Variants in NF1 observed in about 807,000 individuals in gnomAD.
NF1 encodes neurofibromin 1.
In NF1, 122 loss-of-function variants were observed where a neutral mutation model predicts 325.7. The ratio of observed to expected loss-of-function variants is 0.37; its 90% CI spans 0.32 to 0.44. The LOEUF is 0.44. Ranked by LOEUF, NF1 falls within the 20% of genes least tolerant of loss-of-function variation. NF1 has a pLI of 1.00. For missense variants in NF1, 2,140 were observed against 3,415.4 expected (o/e 0.63, Z 9.31); for synonymous variants, 1,091 against 1,186.0 (o/e 0.92, Z 1.65).
chr17:31,259,846 C>T (rs2067652925), intron 33 of NF1, among the ~76,000 whole-genome samples: 1 of 152,200 alleles, frequency 6.6e-6, no homozygotes, highest in Admixed American at 6.5e-5. Context: ...ACAACTCTCT[C>T]TTCCAGTTTA....
At chr17:31,267,898 A>C (rs1250432038) in intron 36 of NF1, among the ~76,000 whole-genome samples, 1 of 152,094 alleles carries the variant, frequency 6.6e-6, no homozygotes, top group African/African-American at 2.4e-5. Flanking sequence ...TTAGTCACCA[A>C]ATCTTGGTTT....
intron 36 of NF1, among the ~76,000 whole-genome samples, chr17:31,282,581 G>A (rs2068142069): frequency 1.3e-5 from 2 of 151,994 alleles, no homozygotes; most frequent in South Asian, 4.2e-4. Context: ...GCACAGTTTA[G>A]ATGTTTCATA....
At chr17:31,351,418 C>T (rs1459799941) in intron 50 of NF1, among the ~76,000 whole-genome samples, 2 of 151,832 alleles carry the variant, frequency 1.3e-5, no homozygotes, top group Non-Finnish European at 2.9e-5. Context: ...TTTTATTTTT[C>T]TTTATTAATT....
intron 12 of NF1, among the ~76,000 whole-genome samples, chr17:31,210,446 G>C: frequency 6.6e-6 from 1 of 152,070 alleles, no homozygotes; most frequent in Non-Finnish European, 1.5e-5. Flanking sequence ...TTAGGCAGGC[G>C]TGGTGGCAGG....
intron 1 of NF1, among the ~76,000 whole-genome samples, chr17:31,105,147 A>G (rs1236892711): frequency 1.3e-5 from 2 of 151,914 alleles, no homozygotes; most frequent in Admixed American, 6.6e-5. Flanking sequence ...CAGTCTTCCC[A>G]CCTGGCTTCC....
intron 36 of NF1, among the ~76,000 whole-genome samples, chr17:31,300,553 T>C (rs1479722845): frequency 1.3e-5 from 2 of 152,114 alleles, no homozygotes; most frequent in African/African-American, 2.4e-5. Context: ...CAGTCCCCTA[T>C]TGGTGGACAT....
chr17:31,347,278 ATAT>A (rs1435377680), intron 48 of NF1, among the ~76,000 whole-genome samples: 1 of 151,042 alleles, frequency 6.6e-6, no homozygotes, highest in East Asian at 2.0e-4. Flanking sequence ...TGACCCAAAC[ATAT>A]TATAAATATG....
intron 1 of NF1, among the ~76,000 whole-genome samples, chr17:31,127,137 C>T (rs1199591779): frequency 1.3e-5 from 2 of 150,224 alleles, no homozygotes; most frequent in Non-Finnish European, 1.5e-5. Flanking sequence ...ACTCTCAGTT[C>T]GGCTCTCTCC....
chr17:31,217,983 C>T lies in NF1; in HGVS notation c.1528-1022C>T, dbSNP rs550545343. On this transcript the variant is annotated intron_variant, in intron 13 of 57. Coordinates refer to ENST00000358273, the MANE Select transcript of NF1 (RefSeq NM_001042492.3). ...GGTAGGCATTCACATTTTTACATAA[C>T]GTTAATTTTCTTTGCTTAGTACACT... Among the ~76,000 whole-genome samples, 6 of 150,350 alleles carry T rather than the reference C, an allele frequency of 4.0e-5. No individual in the cohort carries two copies. In the South Asian group the frequency reaches 6.4e-4, roughly 16 times the overall value.
chr17:31,214,202 T>A (rs570929401), intron 12 of NF1, among the ~76,000 whole-genome samples: 1 of 152,218 alleles, frequency 6.6e-6, no homozygotes, highest in African/African-American at 2.4e-5. Flanking sequence ...AGTATTGTAA[T>A]AGATTTTCAT....
At chr17:31,284,316 T>A (rs2068181689) in intron 36 of NF1, among the ~76,000 whole-genome samples, 1 of 151,954 alleles carries the variant, frequency 6.6e-6, no homozygotes, top group Non-Finnish European at 1.5e-5. Flanking sequence ...AAAGTCTCAC[T>A]ATGTCACCCA....
chr17:31,330,706 G>A lies in NF1; in HGVS notation c.5812+208G>A, dbSNP rs945684221. ...ACATTGAGAAATCCACCAAAATTCT[G>A]ATAATAAAAGCAAAGCGGCAAGAGT... On this transcript the variant is annotated intron_variant, in intron 39 of 57. Transcript: ENST00000358273. 9.1e-5 allele frequency: 52 copies of A among 572,380 alleles called. 1 individual carries two copies. Among genetic ancestry groups the A allele is most frequent in the Non-Finnish European group, 1.4e-4 (46 of 324,900 alleles). 35.5% of individuals were successfully genotyped at this position (572,380 alleles called of 1,614,324 possible).
chr17:31,187,752 G>A lies in NF1; in HGVS notation c.888+5087G>A, dbSNP rs369823099. On this transcript the variant is annotated intron_variant, in intron 8 of 57. Transcript: ENST00000358273. Reference sequence around the variant, plus strand: ...GATCCACTAGAAAATTTTTCTTCCCGTTCTTGAGACATTATGTTCTGCTGG... The same window carrying A: ...GATCCACTAGAAAATTTTTCTTCCCATTCTTGAGACATTATGTTCTGCTGG... 2.8e-4 allele frequency among the ~76,000 whole-genome samples: 43 copies of A among 152,188 alleles called. No individual in the cohort carries two copies. The East Asian group carries it at 2.9e-3, about 10-fold the overall frequency.
At position 31,104,239 on chromosome 17, in the gene NF1, T is replaced by C. The variant is rs17880155; in HGVS notation, c.60+8870T>C. 3.6e-3 allele frequency among the ~76,000 whole-genome samples: 541 copies of C among 152,300 alleles called. 6 individuals are homozygous for C. Among genetic ancestry groups the C allele is most frequent in the African/African-American group, 0.012 (514 of 41,556 alleles). On this transcript the variant is annotated intron_variant, in intron 1 of 57. Coordinates refer to ENST00000358273, the MANE Select transcript of NF1 (RefSeq NM_001042492.3). The stretch of plus-strand genomic sequence containing the variant: ...TCAAATTTGGTATTCTGGGGTTCTA[T>C]GTAGACTCTATATTGTTGCATTCTA...
chr17:31,150,876 A>C (rs1916889294), intron 1 of NF1, among the ~76,000 whole-genome samples: 1 of 152,048 alleles, frequency 6.6e-6, no homozygotes, highest in Admixed American at 6.5e-5. Flanking sequence ...TACTAAAAAT[A>C]CAAAAAAATT....
At chr17:31,225,070 A>C (rs775964988) in intron 16 of NF1, 25 bp from the exon 17 acceptor site, 10 of 1,611,984 alleles carry the variant, frequency 6.2e-6, no homozygotes, top group Non-Finnish European at 8.5e-6. Context: ...GCTTCAGTAA[A>C]GCTTATTTAT....
In NF1 at chr17:31,156,055, A is replaced by C; in HGVS notation, c.133A>C (p.Asn45His). The C allele has an allele frequency of 2.5e-6, 4 of 1,613,712 alleles. No individual in the cohort carries two copies. The highest frequency in any genetic ancestry group is 3.4e-6 in the Non-Finnish European group (4 of 1,179,800). The change falls in exon 2 of 58, where the codon AAT becomes CAT. Residue 45 changes from asparagine (N) to histidine (H), a missense_variant. Around this residue, in one of 10 missense-constraint regions of NF1, gnomAD observed 246 missense variants for 347.8 expected, o/e 0.71. Coordinates refer to ENST00000358273, the MANE Select transcript of NF1 (RefSeq NM_001042492.3). The stretch of plus-strand genomic sequence containing the variant: ...TGAGCACAACAAGGAATGTCTAATC[A>C]ATATTTCCAAATACAAGTTTTCTTT... Reference protein sequence around the residue: ...STEHNKECLINISKYKFSLVI... With the variant: ...STEHNKECLIHISKYKFSLVI...
At chr17:31,242,305 CTTTTTT>C (rs200376987) in intron 29 of NF1, among the ~76,000 whole-genome samples, 760 of 68,768 alleles carry the variant, frequency 0.011, 5 homozygotes, top group African/African-American at 0.04. Context: ...CATAAGTTCT[CTTTTTT>C]TTTTTTTTTT....
chr17:31,335,279 T>TAC lies in NF1; in HGVS notation c.6006+249_6006+250insCA, dbSNP rs1257891070. On this transcript the variant is annotated intron_variant, in intron 40 of 57. Coordinates refer to ENST00000358273, the MANE Select transcript of NF1 (RefSeq NM_001042492.3). ...CAGTCTCCTTCAAGGCATAATTATA[T>TAC]ATATATATATATATATAATTATGCC... Among the ~76,000 whole-genome samples the TAC allele has an allele frequency of 0.17, 9,030 of 52,728 alleles. 3,507 individuals carry two copies. Among genetic ancestry groups the TAC allele is most frequent in the Non-Finnish European group, 0.36 (6,679 of 18,354 alleles). The allele number at this position is 52,728 out of a possible 152,430, so 34.6% of individuals were successfully genotyped here.
Sources: allele counts gnomAD v4.1 joint callset (sites outside exome capture counted in the v4.1 genomes callset), GRCh38; gene constraint gnomAD v4.1.1; regional missense constraint gnomAD v4.1.1; transcripts MANE v1.5; gene names NCBI Gene and HGNC (gene_info 2026-07-23, HGNC 2026-07-21).